The following RIN2 variants were observed in gnomAD, a reference collection of about 807,000 sequenced individuals.
The protein encoded by RIN2 is Ras and Rab interactor 2.
A neutral mutation model predicts 78.0 loss-of-function variants in RIN2; 36 were observed. The observed-to-expected ratio is 0.46, with a 90% CI of 0.35 to 0.61. The LOEUF is 0.61. Ranked by LOEUF, RIN2 falls within the 20% of genes least tolerant of loss-of-function variation. The pLI is 0.00. For missense variants in RIN2, 1,087 were observed against 1,159.7 expected, an observed-to-expected ratio of 0.94 and a Z score of 0.91; for synonymous variants, 466 against 466.8, an observed-to-expected ratio of 1.00 and a Z score of 0.02.
chr20:19,797,206 G>A (rs2035085673), intron 1 of RIN2, among the ~76,000 whole-genome samples: 1 of 152,184 alleles, frequency 6.6e-6, no homozygotes. Flanking sequence ...GTGAGCCTCT[G>A]CACACAGCAA....
chr20:19,896,680 G>A (rs2038744756), intron 3 of RIN2, among the ~76,000 whole-genome samples: 1 of 152,168 alleles, frequency 6.6e-6, no homozygotes, highest in Admixed American at 6.5e-5. Context: ...TGCAAAGCAT[G>A]CCTCACACCT....
Position 19,973,716 on chromosome 20 carries a change from G to A in RIN2, c.629-938G>A, listed in dbSNP as rs537545826. Among the ~76,000 whole-genome samples the A allele has an allele frequency of 3.8e-3, 582 of 152,288 alleles. 2 individuals carry two copies. Among genetic ancestry groups the A allele is most frequent in the Admixed American group, 7.2e-3 (110 of 15,302 alleles). On this transcript the variant is annotated intron_variant, in intron 8 of 12. Transcript: ENST00000255006. ...AGGAAGGAGAATCACTTGAACCTGGGAGGTGGTGGTTGCAGTGAGCCAAGA... is the reference window on the plus strand; with the variant it reads ...AGGAAGGAGAATCACTTGAACCTGGAAGGTGGTGGTTGCAGTGAGCCAAGA...
At chr20:19,873,843 C>CA (rs373412997) in intron 2 of RIN2, among the ~76,000 whole-genome samples, 6 of 152,252 alleles carry the variant, frequency 3.9e-5, no homozygotes, top group African/African-American at 1.4e-4. Context: ...TCTGTATTTG[C>CA]AAATTTGCCT....
intron 3 of RIN2, among the ~76,000 whole-genome samples, chr20:19,925,271 T>C (rs1032079530): frequency 1.3e-5 from 2 of 152,152 alleles, no homozygotes; most frequent in African/African-American, 4.8e-5. Flanking sequence ...TGCACAAAAC[T>C]AAATTCCAGA....
At chr20:19,870,429 A>G (rs186872660) in intron 2 of RIN2, among the ~76,000 whole-genome samples, 11 of 152,244 alleles carry the variant, frequency 7.2e-5, no homozygotes, top group Admixed American at 2.0e-4. Flanking sequence ...GGTGGATCAT[A>G]TAAGGCCAGG....
At chr20:19,939,912 G>T (rs1320106277) in intron 4 of RIN2, among the ~76,000 whole-genome samples, 2 of 151,456 alleles carry the variant, frequency 1.3e-5, no homozygotes, top group African/African-American at 4.9e-5. Flanking sequence ...GTGCAATAGT[G>T]GTGTGATATT....
chr20:19,914,300 AT>A (rs2039594605), intron 3 of RIN2, among the ~76,000 whole-genome samples: 3 of 152,160 alleles, frequency 2.0e-5, no homozygotes, highest in African/African-American at 7.2e-5. Flanking sequence ...TAGTTAGGCT[AT>A]TACCCTAAAG....
intron 1 of RIN2, among the ~76,000 whole-genome samples, chr20:19,773,626 GCTGT>G (rs967424491): frequency 1.8e-4 from 27 of 152,024 alleles, no homozygotes; most frequent in Non-Finnish European, 3.2e-4. Flanking sequence ...TTGGTGGCGT[GCTGT>G]CTATTAGACC....
chr20:19,998,700 T>G (rs1199943672), intron 12 of RIN2, among the ~76,000 whole-genome samples: 1 of 152,102 alleles, frequency 6.6e-6, no homozygotes, highest in Non-Finnish European at 1.5e-5. Context: ...AGAAATTCCT[T>G]CTGGAGCGCA....
At chr20:19,842,661 C>T (rs1055619366) in intron 2 of RIN2, among the ~76,000 whole-genome samples, 2 of 151,870 alleles carry the variant, frequency 1.3e-5, no homozygotes, top group African/African-American at 4.8e-5. Flanking sequence ...ATCTGGCCAC[C>T]CAAGAGTTCT....
intron 3 of RIN2, among the ~76,000 whole-genome samples, chr20:19,920,768 C>A (rs191097836): frequency 1.1e-4 from 16 of 152,202 alleles, no homozygotes; most frequent in Admixed American, 2.6e-4. Context: ...CCTCCACCCC[C>A]CAAGTTCAAG....
chr20:19,785,275 TACACACAC>T (rs11471757), intron 1 of RIN2, among the ~76,000 whole-genome samples: 11 of 142,956 alleles, frequency 7.7e-5, no homozygotes, highest in Non-Finnish European at 1.4e-4. Flanking sequence ...CCCCTCTACA[TACACACAC>T]ACACACACAC....
intron 4 of RIN2, 119 bp from the exon 5 acceptor site, chr20:19,956,496 G>A (rs1212619159): frequency 1.2e-6 from 1 of 805,444 alleles, no homozygotes; most frequent in East Asian, 2.7e-5. Context: ...GATTAAGGGG[G>A]CGATCACAAG....
chr20:19,910,447 A>G (rs1476127939), intron 3 of RIN2, among the ~76,000 whole-genome samples: 1 of 151,938 alleles, frequency 6.6e-6, no homozygotes, highest in Non-Finnish European at 1.5e-5. Context: ...TGCTGGGATT[A>G]CAGGCATAAG....
intron 3 of RIN2, among the ~76,000 whole-genome samples, chr20:19,932,463 C>G (rs1280517802): frequency 1.3e-5 from 2 of 152,118 alleles, no homozygotes; most frequent in Admixed American, 1.3e-4. Context: ...CATTGTCAGA[C>G]TTTTTAAAAA....
intron 1 of RIN2, among the ~76,000 whole-genome samples, chr20:19,773,722 C>T (rs1004745216): frequency 4.9e-4 from 75 of 151,934 alleles, no homozygotes; most frequent in African/African-American, 1.6e-3. Flanking sequence ...GCTTAATGAA[C>T]GGCAGCTTCT....
At chr20:19,933,379 G>A (rs916143967) in intron 3 of RIN2, among the ~76,000 whole-genome samples, 1 of 152,172 alleles carries the variant, frequency 6.6e-6, no homozygotes, top group Non-Finnish European at 1.5e-5. Context: ...TCTTTTCATG[G>A]CATTCTTGTC....
At chr20:19,998,405 T>G (rs1240883190) in intron 12 of RIN2, among the ~76,000 whole-genome samples, 1 of 152,092 alleles carries the variant, frequency 6.6e-6, no homozygotes, top group African/African-American at 2.4e-5. Context: ...GAGACCAGCC[T>G]TGGCAACAAA....
intron 7 of RIN2, among the ~76,000 whole-genome samples, chr20:19,967,608 C>CA (rs11480335): frequency 0.032 from 4,852 of 152,234 alleles, 281 homozygotes; most frequent in African/African-American, 0.11. Context: ...ATTGAGAATA[C>CA]AAATAGTGAC....
Sources: allele counts gnomAD v4.1 joint callset (sites outside exome capture counted in the v4.1 genomes callset), GRCh38; gene constraint gnomAD v4.1.1; transcripts MANE v1.5; gene names NCBI Gene and HGNC (gene_info 2026-07-23, HGNC 2026-07-21).